Variants in CATSPERT observed in about 807,000 individuals in gnomAD.
The protein encoded by CATSPERT is cation channel sperm-associated targeting subunit tau.
At chr2:201,589,411 A>C in the CATSPERT span, among the ~76,000 whole-genome samples, 1 of 152,192 alleles carries the variant, frequency 6.6e-6, no homozygotes, top group Non-Finnish European at 1.5e-5. Context: ...ACAGACACAT[A>C]GACCAAAGGA....
chr2:201,529,784 C>T, the CATSPERT span, among the ~76,000 whole-genome samples: 4 of 151,994 alleles, frequency 2.6e-5, no homozygotes, highest in African/African-American at 7.2e-5. Context: ...AGCTTCTGTA[C>T]AGAAAAGGAA....
chr2:201,608,965 C>T, the CATSPERT span, among the ~76,000 whole-genome samples: 1 of 149,198 alleles, frequency 6.7e-6, no homozygotes, highest in South Asian at 2.1e-4. Context: ...AAGGCACATA[C>T]AGAATGAAAG....
chr2:201,504,048 T>C, the CATSPERT span, among the ~76,000 whole-genome samples: 1 of 152,226 alleles, frequency 6.6e-6, no homozygotes, highest in East Asian at 1.9e-4. Flanking sequence ...TTTCCAGTGG[T>C]TCTTTTCCTT....
the CATSPERT span, among the ~76,000 whole-genome samples, chr2:201,611,201 T>C: frequency 6.6e-6 from 1 of 152,194 alleles, no homozygotes; most frequent in African/African-American, 2.4e-5. Context: ...TGATCTTTTA[T>C]CTAGAAAAAC....
At chr2:201,595,534 T>C in the CATSPERT span, among the ~76,000 whole-genome samples, 1 of 152,056 alleles carries the variant, frequency 6.6e-6, no homozygotes, top group African/African-American at 2.4e-5. Context: ...GCAGGTCTGT[T>C]GGAGTACTCG....
At chr2:201,522,296 T>A in the CATSPERT span, among the ~76,000 whole-genome samples, 1 of 152,104 alleles carries the variant, frequency 6.6e-6, no homozygotes, top group East Asian at 1.9e-4. Flanking sequence ...AACTGATCAA[T>A]GAATTCAGTA....
At chr2:201,566,914 C>T in the CATSPERT span, among the ~76,000 whole-genome samples, 1 of 152,112 alleles carries the variant, frequency 6.6e-6, no homozygotes, top group Admixed American at 6.5e-5. Context: ...ACAGCAAGCC[C>T]ATCAGATGAG....
the CATSPERT span, among the ~76,000 whole-genome samples, chr2:201,599,855 C>A: frequency 6.6e-6 from 1 of 152,254 alleles, no homozygotes; most frequent in East Asian, 1.9e-4. Context: ...ATATATCCCC[C>A]AAATTCTTGA....
the CATSPERT span, chr2:201,537,593 T>G: frequency 1.3e-6 from 1 of 795,832 alleles, no homozygotes; most frequent in South Asian, 2.6e-5. Context: ...AAGAGCAACT[T>G]AAATCAAAGC....
At chr2:201,616,563 T>C in the CATSPERT span, among the ~76,000 whole-genome samples, 3 of 152,188 alleles carry the variant, frequency 2.0e-5, no homozygotes, top group African/African-American at 7.2e-5. Flanking sequence ...TATCTCAAAA[T>C]AATAAGAGCT....
the CATSPERT span, among the ~76,000 whole-genome samples, chr2:201,612,386 C>A: frequency 1.3e-5 from 2 of 151,966 alleles, no homozygotes; most frequent in African/African-American, 2.4e-5. Context: ...CCAGCATGAT[C>A]AACATGGCAA....
the CATSPERT span, among the ~76,000 whole-genome samples, chr2:201,512,137 G>C: frequency 6.6e-6 from 1 of 152,002 alleles, no homozygotes; most frequent in African/African-American, 2.4e-5. Flanking sequence ...TGTTGGGTAT[G>C]GCTCTGACTA....
At chr2:201,594,225 T>C in the CATSPERT span, among the ~76,000 whole-genome samples, 1 of 151,994 alleles carries the variant, frequency 6.6e-6, no homozygotes, top group Non-Finnish European at 1.5e-5. Context: ...TTTTATTTCT[T>C]CTTCACTTAT....
chr2:201,559,579 G>A, the CATSPERT span, among the ~76,000 whole-genome samples: 1 of 152,182 alleles, frequency 6.6e-6, no homozygotes, highest in South Asian at 2.1e-4. Context: ...TTAAGAAACA[G>A]CCCAGTGAGA....
the CATSPERT span, among the ~76,000 whole-genome samples, chr2:201,503,443 T>A: frequency 2.6e-5 from 4 of 152,210 alleles, no homozygotes; most frequent in African/African-American, 9.6e-5. Context: ...GTTGCCCAAG[T>A]GGGAGTGCAG....
chr2:201,552,406 T>A, the CATSPERT span, among the ~76,000 whole-genome samples: 1 of 152,292 alleles, frequency 6.6e-6, no homozygotes, highest in South Asian at 2.1e-4. Context: ...AAGAATAAGT[T>A]GAGTTGCTTG....
the CATSPERT span, among the ~76,000 whole-genome samples, chr2:201,562,945 T>A: frequency 2.0e-5 from 3 of 150,170 alleles, no homozygotes; most frequent in African/African-American, 7.4e-5. Context: ...ACCATCCGAT[T>A]TCTCAATCTT....
At chr2:201,519,696 T>C in the CATSPERT span, among the ~76,000 whole-genome samples, 1 of 151,414 alleles carries the variant, frequency 6.6e-6, no homozygotes, top group Non-Finnish European at 1.5e-5. Flanking sequence ...CTATGAGGAA[T>C]TAAATGAATG....
the CATSPERT span, among the ~76,000 whole-genome samples, chr2:201,579,325 G>A: frequency 3.3e-5 from 5 of 152,042 alleles, no homozygotes; most frequent in Non-Finnish European, 7.4e-5. Context: ...CTGCAGCCTC[G>A]ACCTCACTGG....
Sources: allele counts gnomAD v4.1 joint callset (sites outside exome capture counted in the v4.1 genomes callset), GRCh38; gene constraint gnomAD v4.1.1; transcripts MANE v1.5; gene names NCBI Gene and HGNC (gene_info 2026-07-23, HGNC 2026-07-21).